The following CCNT1 variants were observed in gnomAD, a reference collection of about 807,000 sequenced individuals.
The protein encoded by CCNT1 is cyclin T1, also known as cyclin-T1.
A neutral mutation model predicts 67.3 loss-of-function variants in CCNT1; 18 were observed. The ratio of observed to expected loss-of-function variants is 0.27; its 90% confidence interval spans 0.18 to 0.40. The LOEUF is 0.40. Among genes scored for constraint, CCNT1 ranks in the 10% least tolerant of loss-of-function variants. The probability of loss-of-function intolerance (pLI) is 1.00; values close to 1 mark genes in which losing one functional copy is unlikely to be tolerated. For missense variants in CCNT1, 744 were observed against 884.9 expected (o/e 0.84, Z 2.02); for synonymous variants, 333 against 310.3 (o/e 1.07, Z -0.77).
rs1184169464 is a variant in CCNT1, at chr12:48,690,490, A to T, written c.*2543T>A. ...GACAGGCACATCTGTTAACCCAAAA[A>T]CAAAGCAGCAGCTTCATGCAGAGCC... On this transcript the variant is annotated 3_prime_UTR_variant, in exon 9 of 9. Transcript: ENST00000261900. 1 of 152,332 alleles carries T rather than the reference A, an allele frequency of 6.6e-6. No individual in the cohort carries two copies. The allele number at this position is 152,332 out of a possible 1,614,324, so 9.4% of individuals were successfully genotyped here.
In CCNT1 at chr12:48,693,161, G is replaced by A. The variant is rs1199274008; in HGVS notation, c.2053C>T (p.Arg685Cys). The A allele has an allele frequency of 1.2e-5, 19 of 1,614,036 alleles. No homozygotes were observed. The highest frequency in any genetic ancestry group is 1.4e-5 in the Non-Finnish European group (17 of 1,180,020). The change falls in exon 9 of 9, where the codon CGT becomes TGT. Residue 685 changes from arginine to cysteine, a missense_variant. Around this residue, in one of 3 missense-constraint regions of CCNT1, gnomAD observed 564 missense variants for 574.2 expected, o/e 0.98. Coordinates refer to ENST00000261900, the MANE Select transcript of CCNT1 (RefSeq NM_001240.4). ...PTQPTAFEFVRPYSDYLNPRS... is the reference protein window; with the variant it reads ...PTQPTAFEFVCPYSDYLNPRS... ...GGATTCAGATAGTCACTATAAGGAC[G>A]AACAAATTCAAATGCAGTGGGCTGA...
At chr12:48,712,062 G>A (rs1434585338) in intron 2 of CCNT1, among the ~76,000 whole-genome samples, 1 of 152,096 alleles carries the variant, frequency 6.6e-6, no homozygotes, top group Non-Finnish European at 1.5e-5. Flanking sequence ...CCAAAGTGCT[G>A]GGATTACAGG....
chr12:48,710,631 T>C (rs1940434516), intron 2 of CCNT1, among the ~76,000 whole-genome samples: 1 of 152,052 alleles, frequency 6.6e-6, no homozygotes, highest in Non-Finnish European at 1.5e-5. Context: ...AAAATAAATA[T>C]ATATAAAAAT....
intron 3 of CCNT1, among the ~76,000 whole-genome samples, chr12:48,701,424 T>TG (rs1378152300): frequency 6.6e-6 from 1 of 151,416 alleles, no homozygotes. Flanking sequence ...TTATCCCTTA[T>TG]GCCCATTCAG....
At position 48,716,629 on chromosome 12, in the gene CCNT1, C is replaced by A. The variant is rs775983716; in HGVS notation, c.47G>T (p.Arg16Leu). 1 of 1,614,204 alleles carries A rather than the reference C, an allele frequency of 6.2e-7. No individual in the cohort carries two copies. The highest frequency in any genetic ancestry group is 2.2e-5 in the East Asian group (1 of 44,882). ...KNNNKRWYFTREQLENSPSRR... is the reference protein window; with the variant it reads ...KNNNKRWYFTLEQLENSPSRR... Reference sequence around the variant, plus strand: ...GGATGGGCTATTTTCCAGCTGTTCTCGAGTGAAATACCACCGTTTGTTGTT... The same window carrying A: ...GGATGGGCTATTTTCCAGCTGTTCTAGAGTGAAATACCACCGTTTGTTGTT... The change falls in exon 1 of 9, where the codon CGA (arginine) becomes CTA (leucine). Residue 16 changes from arginine (R) to leucine (L), a missense_variant. By Grantham distance (102) the Arg-to-Leu change is moderately radical. Transcript: ENST00000261900.
In CCNT1 at chr12:48,703,372, G is replaced by A. The variant is rs545121456; in HGVS notation, c.373-2299C>T. On this transcript the variant is annotated intron_variant, in intron 3 of 8. Transcript: ENST00000261900. ...GTGGATAACCTCAGGTCAGGAGTTC[G>A]AGACCAGCCTGACCAACATGGAGAA... is the stretch of plus-strand genomic sequence containing the variant. Among the ~76,000 whole-genome samples the A allele has an allele frequency of 5.3e-5, 8 of 151,692 alleles. No individual in the cohort carries two copies. The South Asian group carries it at 6.3e-4, about 12-fold the overall frequency.
intron 6 of CCNT1, among the ~76,000 whole-genome samples, chr12:48,697,245 C>T (rs964778627): frequency 1.3e-5 from 2 of 152,080 alleles, no homozygotes; most frequent in Non-Finnish European, 2.9e-5. Flanking sequence ...ATTGGCCAGG[C>T]ACAGTGGTTT....
chr12:48,693,733 T>A lies in CCNT1; in HGVS notation c.1481A>T (p.Asn494Ile). Residue 494 changes from asparagine to isoleucine, a missense_variant, in exon 9 of 9, where the codon AAT becomes ATT. Asn to Ile is a moderately radical substitution (Grantham distance 149, BLOSUM62 -3). Coordinates refer to ENST00000261900, the MANE Select transcript of CCNT1 (RefSeq NM_001240.4). ...IKVHAAADKH[N>I]SVEDSVTKSR... ...CTTTGTAACACTGTCCTCTACAGAA[T>A]TGTGCTTATCAGCTGCAGCATGGAC... 1 of 1,614,156 alleles carries A rather than the reference T, an allele frequency of 6.2e-7. No individual in the cohort carries two copies. The highest frequency in any genetic ancestry group is 2.2e-5 in the East Asian group (1 of 44,880).
At chr12:48,714,771 A>G (rs1940508386) in intron 1 of CCNT1, among the ~76,000 whole-genome samples, 1 of 152,228 alleles carries the variant, frequency 6.6e-6, no homozygotes, top group African/African-American at 2.4e-5. Flanking sequence ...TGAATAAACA[A>G]ACATCTCAGG....
chr12:48,699,738 A>C (rs935693537), intron 5 of CCNT1, 40 bp downstream of exon 5: 2 of 1,439,010 alleles, frequency 1.4e-6, no homozygotes, highest in Non-Finnish European at 1.9e-6. Flanking sequence ...CTAAATGGGA[A>C]AACAGCTTGA....
intron 6 of CCNT1, among the ~76,000 whole-genome samples, chr12:48,697,197 T>TA (rs1565616569): frequency 6.6e-6 from 1 of 151,944 alleles, no homozygotes; most frequent in Non-Finnish European, 1.5e-5. Context: ...CATTGATTGA[T>TA]AGAGGGGGAA....
At chr12:48,695,635 G>A in intron 8 of CCNT1, 124 bp downstream of exon 8, 1 of 652,176 alleles carries the variant, frequency 1.5e-6, no homozygotes, top group Non-Finnish European at 2.7e-6. Context: ...TAGAAGTCAT[G>A]ATTACTGTGT....
chr12:48,713,384 A>G (rs1300990035), intron 2 of CCNT1, among the ~76,000 whole-genome samples: 1 of 152,096 alleles, frequency 6.6e-6, no homozygotes, highest in Non-Finnish European at 1.5e-5. Flanking sequence ...ATTATTACAT[A>G]ATGTGCTTTC....
intron 5 of CCNT1, 109 bp downstream of exon 5, chr12:48,699,669 G>A (rs1198789289): frequency 1.2e-5 from 8 of 661,328 alleles, no homozygotes; most frequent in African/African-American, 1.8e-5. Flanking sequence ...AAGCCAAGTA[G>A]GCCTTTAAAT....
chr12:48,714,467 C>T lies in CCNT1; in HGVS notation c.219G>A (p.Gln73=). The T allele has an allele frequency of 6.2e-7, 1 of 1,606,904 alleles. No individual in the cohort carries two copies. Among genetic ancestry groups the T allele is most frequent in the Non-Finnish European group, 8.5e-7 (1 of 1,173,692 alleles). The change falls in exon 2 of 9, where the codon CAG becomes CAA. Residue 73 remains glutamine (Q), a synonymous_variant. Coordinates refer to ENST00000261900, the MANE Select transcript of CCNT1 (RefSeq NM_001240.4). ...CATTTCCAGGGAACTGTGTGAAGGA[C>T]TGAATCATGTAGAATCGATGCATGT... ...IVYMHRFYMI[Q]SFTQFPGNSV... is the part of the protein sequence containing the mutation.
At chr12:48,712,786 A>G (rs545059711) in intron 2 of CCNT1, among the ~76,000 whole-genome samples, 38 of 151,912 alleles carry the variant, frequency 2.5e-4, no homozygotes, top group South Asian at 1.0e-3. Context: ...CTAAAAATAC[A>G]AAAATTAGCC....
intron 3 of CCNT1, among the ~76,000 whole-genome samples, chr12:48,704,758 G>A (rs370538304): frequency 1.0e-3 from 154 of 152,164 alleles, no homozygotes; most frequent in African/African-American, 3.6e-3. Flanking sequence ...GCAGTGAGCC[G>A]AGATTGCGCC....
At chr12:48,705,111 C>T (rs1287886015) in intron 3 of CCNT1, among the ~76,000 whole-genome samples, 8 of 152,064 alleles carry the variant, frequency 5.3e-5, no homozygotes, top group Admixed American at 4.6e-4. Context: ...ACAAAACTTT[C>T]GCCATAAAAT....
At chr12:48,715,242 G>GA (rs1390049121) in intron 1 of CCNT1, among the ~76,000 whole-genome samples, 1 of 152,178 alleles carries the variant, frequency 6.6e-6, no homozygotes, top group East Asian at 1.9e-4. Context: ...ACATCAGCAG[G>GA]AAACAAACTG....
Sources: gnomAD v4.1 joint callset for allele counts (sites outside exome capture counted in the v4.1 genomes callset) on GRCh38, gnomAD v4.1.1 for gene constraint, gnomAD v4.1.1 regional missense constraint, MANE v1.5 for transcripts, NCBI Gene and HGNC (gene_info 2026-07-23, HGNC 2026-07-21) for gene names.